TRIM33: variants seen among roughly 807,000 people sequenced by gnomAD.
TRIM33 encodes the protein E3 ubiquitin-protein ligase TRIM33.
Under a neutral mutation model 125.4 loss-of-function variants are expected in TRIM33, and 20 were observed. That is an observed-to-expected ratio of 0.16 (90% CI 0.11 to 0.23). TRIM33 has a LOEUF of 0.23. Among genes scored for constraint, TRIM33 ranks in the 10% least tolerant of loss-of-function variants. The pLI, the probability that TRIM33 is intolerant of heterozygous loss-of-function variation, is 1.00. For synonymous variants in TRIM33, 564 were observed against 513.9 expected (o/e 1.10, Z -1.32); for missense variants, 920 against 1,411.4 (o/e 0.65, Z 5.58).
At chr1:114,482,800 C>T (rs778821404) in intron 1 of TRIM33, among the ~76,000 whole-genome samples, 5 of 152,126 alleles carry the variant, frequency 3.3e-5, no homozygotes, top group African/African-American at 4.8e-5. Flanking sequence ...TCCTGTCAGC[C>T]GTATGAAGAT....
At chr1:114,453,340 G>A (rs896005435) in intron 4 of TRIM33, among the ~76,000 whole-genome samples, 2 of 151,458 alleles carry the variant, frequency 1.3e-5, no homozygotes, top group Admixed American at 6.6e-5. Context: ...CTCCAGCCTG[G>A]GCAACAGAGA....
intron 4 of TRIM33, among the ~76,000 whole-genome samples, chr1:114,438,369 G>A (rs1335681174): frequency 6.6e-6 from 1 of 151,986 alleles, no homozygotes; most frequent in African/African-American, 2.4e-5. Context: ...ACATGTATTA[G>A]AAGTCTAATT....
In TRIM33 at chr1:114,459,353, T is replaced by A. The variant is rs1336475587; in HGVS notation, c.923+3751A>T. On this transcript the variant is annotated intron_variant, in intron 4 of 19. Coordinates refer to ENST00000358465, the MANE Select transcript of TRIM33 (RefSeq NM_015906.4). Reference sequence around the variant, plus strand: ...CCTGAAAGAGCAAGGGTTGGAGAGCTTCCAGGTTACTGAACACGTGGAGGA... The same window carrying A: ...CCTGAAAGAGCAAGGGTTGGAGAGCATCCAGGTTACTGAACACGTGGAGGA... Among the ~76,000 whole-genome samples, 5 of 152,330 alleles carry A rather than the reference T, an allele frequency of 3.3e-5. No homozygotes were observed. In the East Asian group the frequency reaches 9.6e-4, roughly 29 times the overall value.
intron 4 of TRIM33, among the ~76,000 whole-genome samples, chr1:114,439,863 T>G (rs955182110): frequency 6.6e-6 from 1 of 152,118 alleles, no homozygotes; most frequent in Non-Finnish European, 1.5e-5. Context: ...ATGGAAACAA[T>G]GAGAGTGGAG....
chr1:114,494,123 ATT>A (rs71580626), intron 1 of TRIM33, among the ~76,000 whole-genome samples: 3 of 144,866 alleles, frequency 2.1e-5, no homozygotes, highest in Admixed American at 6.9e-5. Flanking sequence ...GCACCCCGCC[ATT>A]TTTTTTTTTA....
At chr1:114,455,784 G>A (rs1326815094) in intron 4 of TRIM33, among the ~76,000 whole-genome samples, 2 of 152,174 alleles carry the variant, frequency 1.3e-5, no homozygotes, top group Non-Finnish European at 1.5e-5. Flanking sequence ...AGTTTGGGAA[G>A]ATTTAAAAAG....
chr1:114,497,692 T>A (rs1652453573), intron 1 of TRIM33, among the ~76,000 whole-genome samples: 1 of 152,134 alleles, frequency 6.6e-6, no homozygotes, highest in East Asian at 1.9e-4. Context: ...TACAAAACCA[T>A]ACAGTTGACT....
At chr1:114,435,221 A>G (rs1648201989) in intron 4 of TRIM33, among the ~76,000 whole-genome samples, 2 of 152,216 alleles carry the variant, frequency 1.3e-5, no homozygotes, top group African/African-American at 4.8e-5. Context: ...TAAAACTCTA[A>G]GACAGTAACT....
chr1:114,510,787 G>T lies in TRIM33; in HGVS notation c.290C>A (p.Pro97Gln). The T allele has an allele frequency of 6.6e-7, 1 of 1,520,258 alleles. No individual in the cohort carries two copies. The highest frequency in any genetic ancestry group is 8.8e-7 in the Non-Finnish European group (1 of 1,139,758). 94.2% of individuals were successfully genotyped at this position (1,520,258 alleles called of 1,614,324 possible). ...TGVAGGAVST[P>Q]APAPASAPAP... ...GGGAGCCGAGGCTGGAGCTGGAGCC[G>T]GCGTCGATACTGCGCCCCCGGCAAC... The change falls in exon 1 of 20, where the codon CCG (proline) becomes CAG (glutamine). Residue 97 changes from proline to glutamine, a missense_variant. Transcript: ENST00000358465.
In TRIM33 at chr1:114,425,715, C is replaced by G. The variant is rs770432309; in HGVS notation, c.1429G>C (p.Val477Leu). ...CCAGGAGCTGGTTTACTCTCTATTA[C>G]TAGATTACCTGAAAAATTTAAAAAA... ...AKNVVNLGNL[V>L]IESKPAPGYT... The change falls in exon 9 of 20, where the codon GTA (valine) becomes CTA (leucine). Residue 477 changes from valine to leucine, a missense_variant. This residue lies in a region of TRIM33 where 407 missense variants were observed against 589.7 expected (regional missense o/e 0.69). Transcript: ENST00000358465. 6.3e-7 allele frequency: 1 copy of G among 1,585,696 alleles called. No homozygotes were observed. Among genetic ancestry groups the G allele is most frequent in the Non-Finnish European group, 8.6e-7 (1 of 1,166,692 alleles).
At position 114,463,232 on chromosome 1, in the gene TRIM33, A is replaced by C. The variant is rs202204197; in HGVS notation, c.795T>G (p.Ser265=). ...LIRKKEDVSE[S]VGASGQRPVF... ...CAGGGCGTTGACCAGATGCTCCAACAGACTCTGTAGCAAAATAAAACAAAT... is the reference window on the plus strand; with the variant it reads ...CAGGGCGTTGACCAGATGCTCCAACCGACTCTGTAGCAAAATAAAACAAAT... Residue 265 remains serine, a synonymous_variant, in exon 4 of 20, where the codon TCT becomes TCG. Coordinates refer to ENST00000358465, the MANE Select transcript of TRIM33 (RefSeq NM_015906.4). 1.1e-5 allele frequency: 18 copies of C among 1,593,384 alleles called. No homozygotes were observed. In the Middle Eastern group the frequency reaches 5.0e-4, roughly 45 times the overall value.
chr1:114,425,813 C>A (rs1647536322), intron 8 of TRIM33, 90 bp from the exon 9 acceptor site: 1 of 887,350 alleles, frequency 1.1e-6, no homozygotes, highest in South Asian at 1.7e-5. Context: ...TTTCCTCTGA[C>A]AACTATCAGC....
chr1:114,423,448 G>T (rs1647333398), intron 10 of TRIM33, among the ~76,000 whole-genome samples: 1 of 151,928 alleles, frequency 6.6e-6, no homozygotes, highest in Non-Finnish European at 1.5e-5. Flanking sequence ...TAACTTTATA[G>T]CATCAATATT....
At chr1:114,467,998 G>A (rs974862937) in intron 1 of TRIM33, among the ~76,000 whole-genome samples, 3 of 152,182 alleles carry the variant, frequency 2.0e-5, no homozygotes, top group African/African-American at 7.2e-5. Context: ...CAAATGATAA[G>A]AGAGTCCTGT....
chr1:114,445,664 G>A (rs1433145698), intron 4 of TRIM33, among the ~76,000 whole-genome samples: 1 of 152,050 alleles, frequency 6.6e-6, no homozygotes, highest in Non-Finnish European at 1.5e-5. Context: ...AAAAGGGAAA[G>A]GCCAAAGAAA....
At chr1:114,408,459 G>GA (rs35611855) in intron 13 of TRIM33, among the ~76,000 whole-genome samples, 21,471 of 152,048 alleles carry the variant, frequency 0.14, 1,830 homozygotes, top group Non-Finnish European at 0.19. Flanking sequence ...GATATATACT[G>GA]AAACAGTCAC....
At chr1:114,501,862 G>A (rs1294083323) in intron 1 of TRIM33, among the ~76,000 whole-genome samples, 1 of 152,198 alleles carries the variant, frequency 6.6e-6, no homozygotes, top group Non-Finnish European at 1.5e-5. Context: ...TATAGTGCAT[G>A]CTATTTACTC....
intron 18 of TRIM33, among the ~76,000 whole-genome samples, chr1:114,398,535 TC>T (rs2101075456): frequency 6.6e-6 from 1 of 152,290 alleles, no homozygotes; most frequent in South Asian, 2.1e-4. Context: ...ACTAATATAC[TC>T]TGTGCCATAC....
intron 1 of TRIM33, among the ~76,000 whole-genome samples, chr1:114,489,469 T>G (rs933608304): frequency 6.6e-6 from 1 of 152,092 alleles, no homozygotes; most frequent in Non-Finnish European, 1.5e-5. Flanking sequence ...TGTGGCCAAG[T>G]GCAGTGGCTC....
Sources: gnomAD v4.1 joint callset for allele counts (sites outside exome capture counted in the v4.1 genomes callset) on GRCh38, gnomAD v4.1.1 for gene constraint, gnomAD v4.1.1 regional missense constraint, MANE v1.5 for transcripts, NCBI Gene and HGNC (gene_info 2026-07-23, HGNC 2026-07-21) for gene names.